The following SMCO2 variants were observed in gnomAD, a reference collection of about 807,000 sequenced individuals.
The protein encoded by SMCO2 is single-pass membrane and coiled-coil domain-containing protein 2.
SMCO2 carries 25 observed loss-of-function variants against 29.5 expected under a neutral mutation model. The ratio of observed to expected loss-of-function variants is 0.85; its 90% CI spans 0.62 to 1.18. The LOEUF (loss-of-function observed/expected upper bound fraction) is 1.18, where lower values mean the gene tolerates loss of function less well. SMCO2 is among the 50% of genes most tolerant of loss of function. The probability of loss-of-function intolerance (pLI) is 0.00; values close to 1 mark genes in which losing one functional copy is unlikely to be tolerated. For missense variants in SMCO2, 348 were observed against 344.5 expected (o/e 1.01, Z -0.08); for synonymous variants, 117 against 123.3 (o/e 0.95, Z 0.34).
At chr12:27,485,229 C>G (rs1043762640) in intron 4 of SMCO2, among the ~76,000 whole-genome samples, 2 of 151,698 alleles carry the variant, frequency 1.3e-5, no homozygotes, top group African/African-American at 4.8e-5. Flanking sequence ...TCTGATATAA[C>G]ATTAATCCCC....
At chr12:27,476,847 T>C (rs921563466) in intron 4 of SMCO2, among the ~76,000 whole-genome samples, 1 of 152,104 alleles carries the variant, frequency 6.6e-6, no homozygotes, top group Admixed American at 6.5e-5. Context: ...CCATTTATAT[T>C]CAAGGTTATT....
chr12:27,474,762 TG>T, intron 3 of SMCO2, 23 bp from the exon 4 acceptor site: 1 of 1,551,180 alleles, frequency 6.4e-7, no homozygotes, highest in African/African-American at 1.4e-5. Context: ...TGTTCTGCTT[TG>T]CTTCCATCAT....
chr12:27,461,990 T>C (rs1292024567), upstream of SMCO2, among the ~76,000 whole-genome samples: 8 of 152,236 alleles, frequency 5.3e-5, no homozygotes, highest in African/African-American at 9.6e-5. Flanking sequence ...ACTATTGTTG[T>C]TATTTATCTT....
rs146103746 is a variant in SMCO2, at chr12:27,482,918, A to T, written c.363-5542A>T. Among the ~76,000 whole-genome samples, 776 of 152,168 alleles carry T rather than the reference A, an allele frequency of 5.1e-3. 4 individuals carry two copies. Among genetic ancestry groups the T allele is most frequent in the Admixed American group, 0.011 (163 of 15,284 alleles). Reference sequence around the variant, plus strand: ...ATTTTTGTATTTTTTGTAGAGACAAAGTTTCGCCATGTGGCCCAGGCTAGC... The same window carrying T: ...ATTTTTGTATTTTTTGTAGAGACAATGTTTCGCCATGTGGCCCAGGCTAGC... On this transcript the variant is annotated intron_variant, in intron 4 of 7. Coordinates refer to ENST00000298876, the Ensembl canonical transcript of SMCO2.
At chr12:27,496,334 A>G (rs1250438831) in intron 7 of SMCO2, among the ~76,000 whole-genome samples, 1 of 150,574 alleles carries the variant, frequency 6.6e-6, no homozygotes, top group Non-Finnish European at 1.5e-5. Flanking sequence ...ATAGATATAT[A>G]AAGATTTGTC....
chr12:27,500,834 A>G (rs1376388997), intron 7 of SMCO2, among the ~76,000 whole-genome samples: 1 of 150,570 alleles, frequency 6.6e-6, no homozygotes, highest in African/African-American at 2.5e-5. Context: ...AGTGGGGATA[A>G]TGGCGAGAAA....
At position 27,477,431 on chromosome 12, in the gene SMCO2, C is replaced by A. The variant is rs116931650; in HGVS notation, c.362+2518C>A. On this transcript the variant is annotated intron_variant, in intron 4 of 7. Transcript: ENST00000298876. ...AGCCTTGGAGAAGACTTTTTTGATA[C>A]AAATCTATTTGGGGTTCTTTGTGTT... Among the ~76,000 whole-genome samples the A allele has an allele frequency of 3.2e-3, 493 of 151,830 alleles. 2 individuals carry two copies. The highest frequency in any genetic ancestry group is 0.017 in the Middle Eastern group (5 of 294).
the SMCO2 span, among the ~76,000 whole-genome samples, chr12:27,425,984 C>A: frequency 6.6e-6 from 1 of 152,130 alleles, no homozygotes; most frequent in African/African-American, 2.4e-5. Context: ...GCAGTAGGTT[C>A]TTTCCAGGTC....
chr12:27,472,982 T>C, intron 3 of SMCO2, 107 bp downstream of exon 3: 1 of 818,708 alleles, frequency 1.2e-6, no homozygotes, highest in Non-Finnish European at 1.9e-6. Flanking sequence ...TCTGAGGGTT[T>C]TCTTCTAATT....
chr12:27,425,325 T>C, the SMCO2 span: 2 of 152,164 alleles, frequency 1.3e-5, no homozygotes, highest in African/African-American at 4.8e-5. Context: ...AAACATAGAT[T>C]AAGGAAACCA....
chr12:27,454,759 T>C, the SMCO2 span, among the ~76,000 whole-genome samples: 2 of 152,180 alleles, frequency 1.3e-5, no homozygotes, highest in African/African-American at 4.8e-5. Context: ...CAGTGTGTGA[T>C]GTTCCCCTTC....
At chr12:27,472,624 A>G (rs1025922) in intron 2 of SMCO2, among the ~76,000 whole-genome samples, 152 bp from the exon 3 acceptor site, 7,617 of 152,224 alleles carry the variant, frequency 0.05, 267 homozygotes, top group Middle Eastern at 0.092. Flanking sequence ...GTGAGGTGTT[A>G]TTCACCCAGA....
chr12:27,440,611 TG>T, the SMCO2 span, among the ~76,000 whole-genome samples: 1 of 146,352 alleles, frequency 6.8e-6, no homozygotes, highest in Non-Finnish European at 1.5e-5. Flanking sequence ...AAATGTGTGC[TG>T]GGGGTGGTGG....
exon 8 of SMCO2, chr12:27,502,056 T>A: frequency 6.5e-7 from 1 of 1,548,078 alleles, no homozygotes; most frequent in Non-Finnish European, 8.7e-7. Context: ...CCGCACCACA[T>A]GGGACCTACG....
intron 2 of SMCO2, 124 bp from the exon 3 acceptor site, chr12:27,472,652 A>G (rs1405939443): frequency 1.6e-6 from 1 of 610,758 alleles, no homozygotes; most frequent in Non-Finnish European, 2.8e-6. Flanking sequence ...CAGTACAAGG[A>G]TAGCAGATGC....
intron 7 of SMCO2, among the ~76,000 whole-genome samples, chr12:27,496,079 T>G (rs2062209110): frequency 6.6e-6 from 1 of 150,446 alleles, no homozygotes; most frequent in Admixed American, 6.6e-5. Context: ...GCTTTCTTAC[T>G]GCTTCAGATA....
the SMCO2 span, among the ~76,000 whole-genome samples, chr12:27,449,775 A>G: frequency 1.3e-5 from 2 of 152,128 alleles, no homozygotes; most frequent in African/African-American, 4.8e-5. Flanking sequence ...GGGTATTTCC[A>G]TTGTCCTATA....
At chr12:27,489,119 G>A (rs1949713878) in intron 5 of SMCO2, among the ~76,000 whole-genome samples, 3 of 152,056 alleles carry the variant, frequency 2.0e-5, no homozygotes, top group Admixed American at 2.0e-4. Flanking sequence ...CATGATCTTG[G>A]CTCATTGCAA....
At chr12:27,470,906 C>T in intron 2 of SMCO2, 141 bp downstream of exon 2, 1 of 1,044,968 alleles carries the variant, frequency 9.6e-7, no homozygotes, top group Non-Finnish European at 1.3e-6. Flanking sequence ...TAATTTTAAT[C>T]TCATGAATAT....
Sources: allele counts gnomAD v4.1 joint callset (sites outside exome capture counted in the v4.1 genomes callset), GRCh38; gene constraint gnomAD v4.1.1; transcripts MANE v1.5; gene names NCBI Gene and HGNC (gene_info 2026-07-23, HGNC 2026-07-21).